CACNA1C: variants seen among roughly 807,000 people sequenced by gnomAD.
CACNA1C encodes calcium voltage-gated channel subunit alpha1 C.
CACNA1C carries 30 observed loss-of-function variants against 229.0 expected under a neutral mutation model. That is an observed-to-expected ratio of 0.13 (90% CI 0.10 to 0.18). The LOEUF is 0.18. CACNA1C is among the 10% of genes least tolerant of loss of function. CACNA1C has a pLI of 1.00. For missense variants in CACNA1C, 1,658 were observed against 2,845.0 expected (o/e 0.58, Z 9.49); for synonymous variants, 1,114 against 1,132.5 (o/e 0.98, Z 0.33).
In CACNA1C at chr12:2,146,935, A is replaced by G. The variant is rs1050100457; in HGVS notation, c.477+26505A>G. Among the ~76,000 whole-genome samples, 4 of 151,104 alleles carry G rather than the reference A, an allele frequency of 2.6e-5. 1 individual carries two copies. The highest frequency in any genetic ancestry group is 2.0e-4 in the Admixed American group (3 of 15,014). On this transcript the variant is annotated intron_variant, in intron 3 of 46. Transcript: ENST00000399655. ...AGGGCTGAGTTAGGGGAAGCAGGGAAGAGAGGGGAAGGACAGCCTGAGCCC... is the reference window on the plus strand; with the variant it reads ...AGGGCTGAGTTAGGGGAAGCAGGGAGGAGAGGGGAAGGACAGCCTGAGCCC...
At chr12:2,452,592 G>A (rs1361953660) in intron 4 of CACNA1C, among the ~76,000 whole-genome samples, 1 of 152,176 alleles carries the variant, frequency 6.6e-6, no homozygotes, top group African/African-American at 2.4e-5. Context: ...GGACCAGTGG[G>A]CACCAAGCAG....
intron 18 of CACNA1C, among the ~76,000 whole-genome samples, chr12:2,586,529 G>T (rs1472460723): frequency 6.6e-6 from 1 of 152,196 alleles, no homozygotes; most frequent in Non-Finnish European, 1.5e-5. Flanking sequence ...CATACCCTGT[G>T]CAAGGCCTGG....
rs139970758 is a variant in CACNA1C, at chr12:2,432,310, T to G, written c.478-16666T>G. 1.3e-5 allele frequency among the ~76,000 whole-genome samples: 2 copies of G among 152,308 alleles called. 1 individual carries two copies. The highest frequency in any genetic ancestry group is 1.3e-4 in the Admixed American group (2 of 15,310). ...GTTATTGGGAATGAAAGTCACTTAC[T>G]TACAAGAAAGGAAGTGGATGGAGGG... On this transcript the variant is annotated intron_variant, in intron 3 of 46. Coordinates refer to ENST00000399655, the MANE Select transcript of CACNA1C (RefSeq NM_000719.7).
At chr12:2,022,863 A>G (rs2046702551) in intron 1 of CACNA1C, among the ~76,000 whole-genome samples, 1 of 152,182 alleles carries the variant, frequency 6.6e-6, no homozygotes, top group Non-Finnish European at 1.5e-5. Context: ...TATCAGTGGC[A>G]TTAAGTGAAG....
At chr12:2,304,436 G>A (rs1463315797) in intron 3 of CACNA1C, among the ~76,000 whole-genome samples, 1 of 152,172 alleles carries the variant, frequency 6.6e-6, no homozygotes, top group African/African-American at 2.4e-5. Flanking sequence ...CGGCACCGAG[G>A]CAGATCCCCT....
At chr12:2,224,274 A>G (rs2062272249) in intron 3 of CACNA1C, among the ~76,000 whole-genome samples, 1 of 152,178 alleles carries the variant, frequency 6.6e-6, no homozygotes, top group Admixed American at 6.5e-5. Context: ...CTACAAGAGA[A>G]AGTATGATTT....
chr12:2,451,274 G>A (rs908917523), intron 4 of CACNA1C, among the ~76,000 whole-genome samples: 25 of 152,288 alleles, frequency 1.6e-4, no homozygotes, highest in African/African-American at 6.0e-4. Context: ...TCCTTAAGGT[G>A]GGTTGTTCCA....
At chr12:2,460,354 G>A (rs2099491740) in intron 5 of CACNA1C, among the ~76,000 whole-genome samples, 1 of 152,214 alleles carries the variant, frequency 6.6e-6, no homozygotes, top group African/African-American at 2.4e-5. Flanking sequence ...AGAAGCATGG[G>A]TGAACGATTG....
intron 4 of CACNA1C, among the ~76,000 whole-genome samples, chr12:2,456,056 G>A (rs1016634507): frequency 2.0e-5 from 3 of 152,132 alleles, no homozygotes; most frequent in African/African-American, 4.8e-5. Context: ...ACATGCATTC[G>A]ATGTCCAAGC....
chr12:2,002,784 C>T (rs1218702235), intron 1 of CACNA1C, among the ~76,000 whole-genome samples: 2 of 152,142 alleles, frequency 1.3e-5, no homozygotes, highest in Non-Finnish European at 2.9e-5. Flanking sequence ...CATTTTTCTA[C>T]AGAGCAGCAA....
chr12:2,004,550 T>G, intron 1 of CACNA1C: 2 of 1,428,000 alleles, frequency 1.4e-6, no homozygotes, highest in Non-Finnish European at 1.9e-6. Context: ...CGGGAGGCCT[T>G]CCGGCTCCAG....
In CACNA1C at chr12:2,691,940, C is replaced by G. The variant is rs764183829; in HGVS notation, c.*741C>G. 1 of 152,216 alleles carries G rather than the reference C, an allele frequency of 6.6e-6. No individual in the cohort carries two copies. The highest frequency in any genetic ancestry group is 1.5e-5 in the Non-Finnish European group (1 of 68,040). The allele number at this position is 152,216 out of a possible 1,614,324, so 9.4% of individuals were successfully genotyped here. On this transcript the variant is annotated 3_prime_UTR_variant, in exon 47 of 47. Coordinates refer to ENST00000399655, the MANE Select transcript of CACNA1C (RefSeq NM_000719.7). The stretch of plus-strand genomic sequence containing the variant: ...TGACACTTTTCTTGACAGCATGTTG[C>G]AGTTTCTTTTCGGTTTTGGTTTTTT...
chr12:2,459,688 CA>C, intron 5 of CACNA1C, among the ~76,000 whole-genome samples: 1 of 152,232 alleles, frequency 6.6e-6, no homozygotes, highest in Admixed American at 6.5e-5. Context: ...ACTCAATAGC[CA>C]AAATCAGGAA....
rs540671515 is a variant in CACNA1C at position 2,394,580 on chromosome 12, C to T, written c.478-54396C>T. Among the ~76,000 whole-genome samples, 15 of 152,290 alleles carry T rather than the reference C, an allele frequency of 9.8e-5. No individual in the cohort carries two copies. In the East Asian group the frequency reaches 2.3e-3, roughly 23 times the overall value. On this transcript the variant is annotated intron_variant, in intron 3 of 46. Transcript: ENST00000399655. The stretch of plus-strand genomic sequence containing the variant: ...TTTGTGAATGTAAAGTGTTTTCAGA[C>T]TGTAAAACCCTGGATGGGGTTCTGG...
rs908247841 is a variant in CACNA1C, at chr12:2,500,049, G to A, written c.1114-4793G>A. On this transcript the variant is annotated intron_variant, in intron 7 of 46. Transcript: ENST00000399655. ...GGCAGGCCAGAGAATCACCTTCTGT[G>A]GCAGCCGAGCATTGCTCACCCAGGC... is the stretch of plus-strand genomic sequence containing the variant. Among the ~76,000 whole-genome samples, 19 of 152,156 alleles carry A rather than the reference G, an allele frequency of 1.2e-4. No homozygotes were observed. In the South Asian group the frequency reaches 1.7e-3, roughly 13 times the overall value.
intron 3 of CACNA1C, among the ~76,000 whole-genome samples, chr12:2,150,239 C>T (rs1014226740): frequency 2.6e-5 from 4 of 152,156 alleles, no homozygotes; most frequent in East Asian, 1.9e-4. Context: ...AAAAATAACA[C>T]GGAGAATAGG....
At chr12:2,584,779 C>T (rs2061796261) in intron 16 of CACNA1C, among the ~76,000 whole-genome samples, 162 bp downstream of exon 16, 1 of 152,168 alleles carries the variant, frequency 6.6e-6, no homozygotes, top group Admixed American at 6.5e-5. Context: ...TCTCCTAATT[C>T]CTAAGCATCA....
intron 3 of CACNA1C, among the ~76,000 whole-genome samples, chr12:2,142,866 AGT>A (rs1331697423): frequency 6.6e-6 from 1 of 151,476 alleles, no homozygotes; most frequent in Non-Finnish European, 1.5e-5. Flanking sequence ...TTTTAAGCTA[AGT>A]GTTATTACAA....
At chr12:2,472,514 A>G in intron 5 of CACNA1C, among the ~76,000 whole-genome samples, 1 of 151,984 alleles carries the variant, frequency 6.6e-6, no homozygotes, top group Non-Finnish European at 1.5e-5. Flanking sequence ...CTTTAAGATC[A>G]TATACTCATT....
Sources: gnomAD v4.1 joint callset for allele counts (sites outside exome capture counted in the v4.1 genomes callset) on GRCh38, gnomAD v4.1.1 for gene constraint, MANE v1.5 for transcripts, NCBI Gene and HGNC (gene_info 2026-07-23, HGNC 2026-07-21) for gene names.